Variants in ARID3A observed in about 807,000 individuals in gnomAD.
ARID3A encodes the protein AT-rich interaction domain 3A, also known as AT-rich interactive domain-containing protein 3A.
Under a neutral mutation model 52.7 loss-of-function variants are expected in ARID3A, and 11 were observed. The ratio of observed to expected loss-of-function variants is 0.21; its 90% CI spans 0.13 to 0.35. The LOEUF (loss-of-function observed/expected upper bound fraction) is 0.35. ARID3A is among the 10% of genes least tolerant of loss of function. ARID3A has a pLI of 1.00. For synonymous variants in ARID3A, 404 were observed against 359.4 expected (o/e 1.12, Z -1.40); for missense variants, 721 against 838.5 (o/e 0.86, Z 1.73).
At chr19:932,882 C>T (rs1221483895) in intron 3 of ARID3A, 140 bp downstream of exon 3, 26 of 1,467,934 alleles carry the variant, frequency 1.8e-5, no homozygotes, top group Non-Finnish European at 2.1e-5. Flanking sequence ...AGCTGTGCTT[C>T]CTGTGCTTCC....
chr19:964,552 C>T lies in ARID3A; in HGVS notation c.950+121C>T. 3 of 1,344,224 alleles carry T rather than the reference C, an allele frequency of 2.2e-6. No homozygotes were observed. The highest frequency in any genetic ancestry group is 3.0e-6 in the Non-Finnish European group (3 of 1,000,582). The allele number at this position is 1,344,224 out of a possible 1,614,324, so 83.3% of individuals were successfully genotyped here. A position where few individuals can be genotyped will look rare whatever the true frequency, so the allele number is the denominator to read the frequency against. ...CAGAGGAGGGGGCAGTGGGCAGCCG[C>T]AAAGGGCACAGGGCCACACCGTGCG... On this transcript the variant is annotated intron_variant, in intron 5 of 8. Transcript: ENST00000263620. The surrounding 1 kb of genome is among the most constrained non-coding windows in gnomAD (Gnocchi z 5.7).
chr19:961,511 C>CCTGCTCAGCCCTGACCACT (rs1336186815), intron 4 of ARID3A, among the ~76,000 whole-genome samples: 1 of 152,234 alleles, frequency 6.6e-6, no homozygotes, highest in East Asian at 1.9e-4. Context: ...CCTGTTCGCA[C>CCTGCTCAGCCCTGACCACT]CTGCTCAGCC....
intron 3 of ARID3A, among the ~76,000 whole-genome samples, chr19:950,957 G>C (rs1185668913): frequency 6.6e-6 from 1 of 152,008 alleles, no homozygotes; most frequent in East Asian, 2.0e-4. Context: ...TGAGTAGCTG[G>C]GGTTACGGGC....
rs937892934 is a variant in ARID3A, at chr19:947,773, A to G, written c.694-12319A>G. 1.3e-5 allele frequency among the ~76,000 whole-genome samples: 2 copies of G among 152,126 alleles called. No homozygotes were observed. The highest frequency in any genetic ancestry group is 1.3e-4 in the Admixed American group (2 of 15,272). On this transcript the variant is annotated intron_variant, in intron 3 of 8. Transcript: ENST00000263620. The surrounding 1 kb of genome is among the most constrained non-coding windows in gnomAD (Gnocchi z 6.3). ...CCGCCCCGTGGGTGCGGCGCTGTGT[A>G]TTTCCAGAGAGGGGACTCGGGGCCC...
At chr19:950,465 G>A (rs1004736312) in intron 3 of ARID3A, among the ~76,000 whole-genome samples, 1 of 152,166 alleles carries the variant, frequency 6.6e-6, no homozygotes, top group Admixed American at 6.5e-5. Flanking sequence ...AGCACAGGCC[G>A]CCTGCTGCTG....
chr19:939,233 C>T (rs1404820738), intron 3 of ARID3A, among the ~76,000 whole-genome samples: 1 of 152,096 alleles, frequency 6.6e-6, no homozygotes, highest in Admixed American at 6.6e-5. Context: ...ATTCTCCTGC[C>T]TCAGCCTCCA....
At chr19:951,168 G>A (rs1395773715) in intron 3 of ARID3A, among the ~76,000 whole-genome samples, 1 of 152,038 alleles carries the variant, frequency 6.6e-6, no homozygotes, top group Non-Finnish European at 1.5e-5. Flanking sequence ...TGTTGCTGAG[G>A]CTGATCTCAA....
chr19:971,033 A>C (rs1389365003), intron 8 of ARID3A, among the ~76,000 whole-genome samples: 1 of 152,242 alleles, frequency 6.6e-6, no homozygotes, highest in Non-Finnish European at 1.5e-5. Context: ...GGGGTCTCGC[A>C]ACCCCACATC....
At chr19:948,666 C>A (rs1312842239) in intron 3 of ARID3A, among the ~76,000 whole-genome samples, 2 of 150,370 alleles carry the variant, frequency 1.3e-5, no homozygotes, top group Non-Finnish European at 2.9e-5. Context: ...GGCCTCTGGA[C>A]TCTGTGGGGA....
At chr19:953,279 C>T (rs925054229) in intron 3 of ARID3A, among the ~76,000 whole-genome samples, 2 of 152,172 alleles carry the variant, frequency 1.3e-5, no homozygotes, top group Non-Finnish European at 2.9e-5. Flanking sequence ...AAATCATCAA[C>T]GTTTCGCCAC....
chr19:972,150 G>A lies in ARID3A; in HGVS notation c.*85G>A, dbSNP rs1417026207. ...GGTGGGCCACACAGGGGCCAGGATG[G>A]CGGAAGATACGGGTGGGGAGGGAAG... On this transcript the variant is annotated 3_prime_UTR_variant, in exon 9 of 9. Transcript: ENST00000263620. 3.0e-6 allele frequency: 4 copies of A among 1,326,704 alleles called. No homozygotes were observed. Among genetic ancestry groups the A allele is most frequent in the Non-Finnish European group, 4.0e-6 (4 of 999,656 alleles). 82.2% of individuals were successfully genotyped at this position (1,326,704 alleles called of 1,614,324 possible). A position where few individuals can be genotyped will look rare whatever the true frequency, so the allele number is the denominator to read the frequency against.
Position 964,609 on chromosome 19 carries a change from G to A in ARID3A, c.950+178G>A, listed in dbSNP as rs1350617893. Among the ~76,000 whole-genome samples, 1 of 152,152 alleles carries A rather than the reference G, an allele frequency of 6.6e-6. No homozygotes were observed. The highest frequency in any genetic ancestry group is 1.9e-4 in the East Asian group (1 of 5,198). Reference sequence around the variant, plus strand: ...GCCCGAGAGCGTCAAGTAGGGGTGCGAGGACCACACAGTCTCTGGGGTTGT... The same window carrying A: ...GCCCGAGAGCGTCAAGTAGGGGTGCAAGGACCACACAGTCTCTGGGGTTGT... On this transcript the variant is annotated intron_variant, in intron 5 of 8. Coordinates refer to ENST00000263620, the MANE Select transcript of ARID3A (RefSeq NM_005224.3). This position sits in a 1 kb window ranked among gnomAD's most constrained non-coding sequence, Gnocchi z 5.7.
chr19:970,294 T>C (rs1385587484), intron 8 of ARID3A, among the ~76,000 whole-genome samples: 1 of 151,154 alleles, frequency 6.6e-6, no homozygotes, highest in East Asian at 2.0e-4. Flanking sequence ...GCCTGTGCAA[T>C]GGAGCAAGAC....
At chr19:971,727 C>T in intron 8 of ARID3A, 151 bp from the exon 9 acceptor site, 1 of 989,526 alleles carries the variant, frequency 1.0e-6, no homozygotes, top group Non-Finnish European at 1.4e-6. Context: ...GTTGAGGCTG[C>T]AGTGAGCTCT....
In ARID3A at chr19:942,462, G is replaced by A. The variant is rs1362818960; in HGVS notation, c.693+9720G>A. ...CTGGTGGGTGGCACACGGGGGGCGG[G>A]TGCGGACCGCCTCTTCTCCGCTCTG... On this transcript the variant is annotated intron_variant, in intron 3 of 8. Coordinates refer to ENST00000263620, the MANE Select transcript of ARID3A (RefSeq NM_005224.3). The surrounding 1 kb of genome is among the most constrained non-coding windows in gnomAD (Gnocchi z 8.1). Among the ~76,000 whole-genome samples the A allele has an allele frequency of 1.3e-5, 2 of 152,240 alleles. No homozygotes were observed. The highest frequency in any genetic ancestry group is 4.8e-5 in the African/African-American group (2 of 41,468).
rs367663349 is a variant in ARID3A at position 960,544 on chromosome 19, G to A, written c.766+380G>A. On this transcript the variant is annotated intron_variant, in intron 4 of 8. Coordinates refer to ENST00000263620, the MANE Select transcript of ARID3A (RefSeq NM_005224.3). This position sits in a 1 kb window ranked among gnomAD's most constrained non-coding sequence, Gnocchi z 4.3. ...GTGTTTAGGGAGTGGGGTCAGATTC[G>A]GGCTGGCCAGGTGGGTGCAGGTGCG... 3.9e-5 allele frequency among the ~76,000 whole-genome samples: 6 copies of A among 152,192 alleles called. 1 individual carries two copies. The East Asian group carries it at 5.8e-4, about 15-fold the overall frequency.
Position 975,158 on chromosome 19 carries a change from T to C in ARID3A, c.*3093T>C. ...CCCCCTTATGCAGACTGGGAGGGGG[T>C]CGGGCAGTCCCCTCAGCCACGAGGA... On this transcript the variant is annotated 3_prime_UTR_variant, in exon 9 of 9. Transcript: ENST00000263620. 1 of 231,102 alleles carries C rather than the reference T, an allele frequency of 4.3e-6. No homozygotes were observed. Among genetic ancestry groups the C allele is most frequent in the Non-Finnish European group, 8.5e-6 (1 of 116,960 alleles). 14.3% of individuals were successfully genotyped at this position (231,102 alleles called of 1,614,324 possible).
intron 1 of ARID3A, chr19:928,339 C>A (rs2037244134): frequency 6.6e-6 from 1 of 152,010 alleles, no homozygotes; most frequent in South Asian, 2.1e-4. Flanking sequence ...TCGGGTGGGA[C>A]CCAGGCCCCA....
chr19:974,824 A>C lies in ARID3A; in HGVS notation c.*2759A>C, dbSNP rs1279231677. ...GTGGACCTGGATTCTAACTCAGAGG[A>C]CTTGAGCCTGCTGTTAACTCCGATG... On this transcript the variant is annotated 3_prime_UTR_variant, in exon 9 of 9. Transcript: ENST00000263620. 1.1e-4 allele frequency: 15 copies of C among 134,634 alleles called. No individual in the cohort carries two copies. The highest frequency in any genetic ancestry group is 1.8e-4 in the Non-Finnish European group (12 of 67,558). The allele number at this position is 134,634 out of a possible 1,614,324, so 8.3% of individuals were successfully genotyped here. A position where few individuals can be genotyped will look rare whatever the true frequency, so the allele number is the denominator to read the frequency against.
Sources: gnomAD v4.1 joint callset for allele counts (sites outside exome capture counted in the v4.1 genomes callset) on GRCh38, gnomAD v4.1.1 for gene constraint, Gnocchi (gnomAD v3.1) non-coding constraint, MANE v1.5 for transcripts, NCBI Gene and HGNC (gene_info 2026-07-23, HGNC 2026-07-21) for gene names.